The following NR6A1 variants were observed in gnomAD, a reference collection of about 807,000 sequenced individuals.
NR6A1 encodes retinoic acid receptor-related testis-associated receptor.
Under a neutral mutation model 59.1 loss-of-function variants are expected in NR6A1, and 7 were observed. The ratio of observed to expected loss-of-function variants is 0.12; its 90% CI spans 0.07 to 0.22. The LOEUF (loss-of-function observed/expected upper bound fraction) is 0.22, where lower values mean the gene tolerates loss of function less well. Among genes scored for constraint, NR6A1 ranks in the 10% least tolerant of loss-of-function variants. The pLI is 1.00. For missense variants in NR6A1, 468 were observed against 611.6 expected, an observed-to-expected ratio of 0.77 and a Z score of 2.48; for synonymous variants, 243 against 236.1, an observed-to-expected ratio of 1.03 and a Z score of -0.27.
rs542787494 is a variant in NR6A1, at chr9:124,686,257, C to A, written c.142+47051G>T. ...TCTTATATCACTGATACATCATCTG[C>A]GCTTCATAATTGTAAAAAAGGAAAG... On this transcript the variant is annotated intron_variant, in intron 2 of 9. Coordinates refer to ENST00000487099, the MANE Select transcript of NR6A1 (RefSeq NM_033334.4). Among the ~76,000 whole-genome samples, 4 of 152,228 alleles carry A rather than the reference C, an allele frequency of 2.6e-5. No individual in the cohort carries two copies. In the East Asian group the frequency reaches 7.7e-4, roughly 29 times the overall value.
chr9:124,543,782 G>T lies in NR6A1; in HGVS notation c.441+20C>A, dbSNP rs746343622. ...CTGGGCTTCCAGGACGGACCACAGA[G>T]ACTGAGGTCTAGAACTCACCTGGAC... On this transcript the variant is annotated intron_variant, in intron 4 of 9. Transcript: ENST00000487099. The T allele has an allele frequency of 5.0e-6, 8 of 1,604,238 alleles. No homozygotes were observed. Among genetic ancestry groups the T allele is most frequent in the Non-Finnish European group, 6.0e-6 (7 of 1,173,660 alleles).
intron 2 of NR6A1, among the ~76,000 whole-genome samples, chr9:124,727,009 T>C (rs1839741641): frequency 6.6e-6 from 1 of 152,256 alleles, no homozygotes; most frequent in Non-Finnish European, 1.5e-5. Flanking sequence ...TAAGCTCTTT[T>C]GATATGTAAG....
intron 2 of NR6A1, among the ~76,000 whole-genome samples, chr9:124,564,000 C>T (rs1834159997): frequency 6.6e-6 from 1 of 152,070 alleles, no homozygotes; most frequent in African/African-American, 2.4e-5. Flanking sequence ...ATCCCTTGAG[C>T]CCAGGAATTT....
chr9:124,758,943 A>C (rs1298866300), intron 1 of NR6A1, among the ~76,000 whole-genome samples: 2 of 152,200 alleles, frequency 1.3e-5, no homozygotes. Context: ...TATCTAATTT[A>C]GCTCCTCCAT....
chr9:124,598,395 C>T (rs1242024535), intron 2 of NR6A1, among the ~76,000 whole-genome samples: 3 of 149,432 alleles, frequency 2.0e-5, no homozygotes, highest in Non-Finnish European at 4.5e-5. Flanking sequence ...TTAAGATTAA[C>T]AGTACTGGAA....
At chr9:124,602,720 T>C (rs1165555843) in intron 2 of NR6A1, among the ~76,000 whole-genome samples, 1 of 152,204 alleles carries the variant, frequency 6.6e-6, no homozygotes. Flanking sequence ...GTGAGAATTC[T>C]GGGAAAAGGC....
chr9:124,686,911 C>T (rs1393796096), intron 2 of NR6A1, among the ~76,000 whole-genome samples: 2 of 151,934 alleles, frequency 1.3e-5, no homozygotes, highest in Admixed American at 1.3e-4. Flanking sequence ...GCCATGTTGC[C>T]CAGGCTGGTC....
At chr9:124,739,542 C>A (rs1840116957) in intron 1 of NR6A1, among the ~76,000 whole-genome samples, 1 of 152,202 alleles carries the variant, frequency 6.6e-6, no homozygotes. Flanking sequence ...GCAGCCTTGA[C>A]CTCTAGGACC....
intron 2 of NR6A1, among the ~76,000 whole-genome samples, chr9:124,691,642 A>G (rs1158019354): frequency 6.6e-6 from 1 of 152,160 alleles, no homozygotes; most frequent in Non-Finnish European, 1.5e-5. Flanking sequence ...TTTTAGTTAC[A>G]CTCTGTGTTC....
chr9:124,677,941 GAC>G, intron 2 of NR6A1, among the ~76,000 whole-genome samples: 1 of 152,232 alleles, frequency 6.6e-6, no homozygotes, highest in South Asian at 2.1e-4. Flanking sequence ...TTTTTAAAGG[GAC>G]AGAAGACTCA....
At chr9:124,543,935 G>T in intron 3 of NR6A1, 78 bp from the exon 4 acceptor site, 2 of 1,237,898 alleles carry the variant, frequency 1.6e-6, no homozygotes, top group South Asian at 2.5e-5. Flanking sequence ...GAGTTTACTT[G>T]GCCAAAAGCA....
chr9:124,700,226 ACT>A (rs1256709776), intron 2 of NR6A1, among the ~76,000 whole-genome samples: 1 of 146,382 alleles, frequency 6.8e-6, no homozygotes, highest in African/African-American at 2.5e-5. Context: ...ATGGGGTCTC[ACT>A]CTGTCACCCA....
intron 3 of NR6A1, among the ~76,000 whole-genome samples, chr9:124,549,510 T>C (rs867922063): frequency 1.3e-5 from 2 of 152,158 alleles, no homozygotes; most frequent in Admixed American, 1.3e-4. Context: ...CCAGTCTCCA[T>C]TCACCACCCT....
chr9:124,651,565 G>C (rs551761336), intron 2 of NR6A1, among the ~76,000 whole-genome samples: 1 of 152,156 alleles, frequency 6.6e-6, no homozygotes, highest in African/African-American at 2.4e-5. Context: ...ATAGGGGTTG[G>C]CCCCACAGTG....
Position 124,554,632 on chromosome 9 carries a change from T to A in NR6A1, c.143-62A>T. On this transcript the variant is annotated intron_variant, in intron 2 of 9. Transcript: ENST00000487099. ...GGCTTTAAGCCTACAGTTCCTAAAGTGAGCAACTCTGCTCTGGGTAGATTA... is the reference window on the plus strand; with the variant it reads ...GGCTTTAAGCCTACAGTTCCTAAAGAGAGCAACTCTGCTCTGGGTAGATTA... 6.9e-6 allele frequency: 11 copies of A among 1,604,222 alleles called. No homozygotes were observed. In the South Asian group the frequency reaches 1.2e-4, roughly 18 times the overall value.
rs565618334 is a variant in NR6A1, at chr9:124,615,861, G to A, written c.143-61291C>T. Among the ~76,000 whole-genome samples, 8 of 152,016 alleles carry A rather than the reference G, an allele frequency of 5.3e-5. No homozygotes were observed. In the South Asian group the frequency reaches 1.7e-3, roughly 32 times the overall value. On this transcript the variant is annotated intron_variant, in intron 2 of 9. Transcript: ENST00000487099. ...ATTTATTTATTTATTTTGAGACAGA[G>A]TCTCGCTCTGTAGCCCAGGCTGCAG... is the stretch of plus-strand genomic sequence containing the variant.
chr9:124,662,127 T>C (rs560912250), intron 2 of NR6A1, among the ~76,000 whole-genome samples: 3 of 152,024 alleles, frequency 2.0e-5, no homozygotes, highest in Non-Finnish European at 2.9e-5. Flanking sequence ...TCCATTTTTT[T>C]CCCCCTTGGT....
intron 5 of NR6A1, among the ~76,000 whole-genome samples, chr9:124,539,743 G>T (rs754585328): frequency 3.9e-5 from 6 of 152,198 alleles, no homozygotes; most frequent in Non-Finnish European, 7.3e-5. Context: ...AGGGAAAATG[G>T]CAACATTTAA....
intron 3 of NR6A1, among the ~76,000 whole-genome samples, chr9:124,551,884 G>A (rs1268880342): frequency 2.0e-5 from 3 of 152,192 alleles, no homozygotes; most frequent in Non-Finnish European, 4.4e-5. Flanking sequence ...CACGGCAACT[G>A]CAATTTTAAT....
Sources: allele counts gnomAD v4.1 joint callset (sites outside exome capture counted in the v4.1 genomes callset), GRCh38; gene constraint gnomAD v4.1.1; transcripts MANE v1.5; gene names NCBI Gene and HGNC (gene_info 2026-07-23, HGNC 2026-07-21).